Variants in PLEKHG1 observed in about 807,000 individuals in gnomAD.
PLEKHG1 encodes pleckstrin homology domain-containing family G member 1.
PLEKHG1 carries 44 observed loss-of-function variants against 100.8 expected under a neutral mutation model. The ratio of observed to expected loss-of-function variants is 0.44; its 90% CI spans 0.34 to 0.56. The LOEUF is 0.56. Among genes scored for constraint, PLEKHG1 ranks in the 20% least tolerant of loss-of-function variants. The pLI is 0.01. For missense variants in PLEKHG1, 1,545 were observed against 1,720.9 expected (o/e 0.90, Z 1.81); for synonymous variants, 640 against 662.5 (o/e 0.97, Z 0.52).
At chr6:150,760,170 C>G (rs1440288739) in intron 2 of PLEKHG1, among the ~76,000 whole-genome samples, 1 of 152,092 alleles carries the variant, frequency 6.6e-6, no homozygotes, top group African/African-American at 2.4e-5. Flanking sequence ...CAGTAGTCCT[C>G]TGATTATAAT....
intron 3 of PLEKHG1, among the ~76,000 whole-genome samples, chr6:150,695,241 A>C (rs1246475721): frequency 1.3e-5 from 2 of 152,154 alleles, no homozygotes; most frequent in South Asian, 2.1e-4. Context: ...TGCTTCTAGA[A>C]CTTGAGTTCT....
chr6:150,641,477 T>C (rs1232080420), intron 2 of PLEKHG1, among the ~76,000 whole-genome samples: 1 of 152,222 alleles, frequency 6.6e-6, no homozygotes, highest in Non-Finnish European at 1.5e-5. Context: ...GTAAAAGTTT[T>C]CTCAAGTCCG....
intron 4 of PLEKHG1, among the ~76,000 whole-genome samples, chr6:150,787,374 C>CCCTTTCCTACAATGTGG (rs1235305020): frequency 4.6e-5 from 7 of 152,216 alleles, no homozygotes; most frequent in African/African-American, 1.4e-4. Context: ...CTGAAACCTA[C>CCCTTTCCTACAATGTGG]CCTTTCCTAC....
rs56768740 is a variant in PLEKHG1 at position 150,702,557 on chromosome 6, G to GGTGTGTGTGTGTGTGTGTGT, written c.-98-31012_-98-30993dup. Among the ~76,000 whole-genome samples the GGTGTGTGTGTGTGTGTGTGT allele has an allele frequency of 5.6e-3, 798 of 142,880 alleles. 11 individuals carry two copies. Among genetic ancestry groups the GGTGTGTGTGTGTGTGTGTGT allele is most frequent in the African/African-American group, 0.019 (708 of 37,618 alleles). The allele number at this position is 142,880 out of a possible 152,430, so 93.7% of individuals were successfully genotyped here. On this transcript the variant is annotated intron_variant, in intron 3 of 3. Coordinates refer to the PLEKHG1 transcript ENST00000367326. The stretch of plus-strand genomic sequence containing the variant: ...AGCAGTACTTCTCATTTTGTTTTGG[G>GGTGTGTGTGTGTGTGTGTGT]GTGTGTGTGTGTGTGTGTGTGTGTG...
intron 3 of PLEKHG1, among the ~76,000 whole-genome samples, chr6:150,770,687 T>A (rs1784676555): frequency 6.6e-6 from 1 of 152,222 alleles, no homozygotes; most frequent in African/African-American, 2.4e-5. Flanking sequence ...GAATCCAGAG[T>A]CTACATGTTC....
At chr6:150,751,401 T>C (rs1157097330) in intron 2 of PLEKHG1, among the ~76,000 whole-genome samples, 1 of 152,150 alleles carries the variant, frequency 6.6e-6, no homozygotes, top group East Asian at 1.9e-4. Context: ...CAAATAACCA[T>C]TCTGACCTCA....
chr6:150,647,496 T>C (rs569896247), intron 2 of PLEKHG1, among the ~76,000 whole-genome samples: 2 of 152,172 alleles, frequency 1.3e-5, no homozygotes, highest in South Asian at 4.1e-4. Context: ...AAATCACGAG[T>C]TGTGTTTTGC....
intron 4 of PLEKHG1, among the ~76,000 whole-genome samples, chr6:150,788,491 T>A (rs1309441422): frequency 6.6e-6 from 1 of 152,198 alleles, no homozygotes; most frequent in Non-Finnish European, 1.5e-5. Flanking sequence ...GTTACAGAAG[T>A]CCTTATCGAC....
At chr6:150,652,148 G>C (rs1305894130) in intron 3 of PLEKHG1, 1 of 152,062 alleles carries the variant, frequency 6.6e-6, no homozygotes, top group Non-Finnish European at 1.5e-5. Flanking sequence ...ATTTTAACTT[G>C]GTGGTGTTGG....
At chr6:150,607,068 T>TA (rs1349450830) in intron 1 of PLEKHG1, among the ~76,000 whole-genome samples, 1 of 152,112 alleles carries the variant, frequency 6.6e-6, no homozygotes, top group African/African-American at 2.4e-5. Flanking sequence ...TAAAGGCCCT[T>TA]GTGTTTTAAG....
rs1181235108 is a variant in PLEKHG1 at position 150,683,789 on chromosome 6, GA to G, written c.-99+33004del. ...TGGAGCCATTCTTGGTGGGGCGGAA[GA>G]GGCAGGAAACTGCTGCCTGGACAAA... On this transcript the variant is annotated intron_variant, in intron 3 of 3. Transcript: ENST00000367326. The surrounding 1 kb of genome is among the most constrained non-coding windows in gnomAD (Gnocchi z 4.0). The G allele has an allele frequency of 1.6e-6, 2 of 1,288,658 alleles. No homozygotes were observed. Among genetic ancestry groups the G allele is most frequent in the Non-Finnish European group, 2.0e-6 (2 of 988,650 alleles). 79.8% of individuals were successfully genotyped at this position (1,288,658 alleles called of 1,614,324 possible). A position where few individuals can be genotyped will look rare whatever the true frequency, so the allele number is the denominator to read the frequency against.
intron 1 of PLEKHG1, among the ~76,000 whole-genome samples, chr6:150,722,111 T>C (rs1308942153): frequency 6.6e-6 from 1 of 152,092 alleles, no homozygotes; most frequent in East Asian, 1.9e-4. Flanking sequence ...AATCTATTTC[T>C]AATGTAGACA....
rs1407121364 is a variant in PLEKHG1 at position 150,831,464 on chromosome 6, G to A, written c.2353G>A (p.Val785Ile). ...GTGCTGTGACAGCCTGAGGCCATTT[G>A]TTTCCCAAGACAGCCTCCAGCTCAG... The change falls in exon 15 of 16, where the codon GTT becomes ATT. Residue 785 changes from valine (V) to isoleucine (I), a missense_variant. Physicochemically the swap from Val to Ile is conservative, Grantham distance 29. Coordinates refer to ENST00000358517, the Ensembl canonical transcript of PLEKHG1. The surrounding 1 kb of genome is among the most constrained non-coding windows in gnomAD (Gnocchi z 4.1). The A allele has an allele frequency of 1.9e-6, 3 of 1,614,030 alleles. No homozygotes were observed. The highest frequency in any genetic ancestry group is 2.5e-6 in the Non-Finnish European group (3 of 1,180,040).
intron 2 of PLEKHG1, among the ~76,000 whole-genome samples, chr6:150,753,763 T>C (rs757876054): frequency 2.0e-4 from 30 of 152,206 alleles, no homozygotes; most frequent in Non-Finnish European, 2.5e-4. Flanking sequence ...GGGACCTTTG[T>C]CATCTTCAAG....
chr6:150,666,131 G>A (rs1779388399), intron 3 of PLEKHG1, among the ~76,000 whole-genome samples: 1 of 152,178 alleles, frequency 6.6e-6, no homozygotes, highest in Non-Finnish European at 1.5e-5. Context: ...CCTCTACCCT[G>A]GCAGTACTCT....
At chr6:150,708,643 A>G (rs541314725) in intron 3 of PLEKHG1, among the ~76,000 whole-genome samples, 9 of 152,328 alleles carry the variant, frequency 5.9e-5, no homozygotes, top group East Asian at 5.8e-4. Flanking sequence ...TCATAATTGT[A>G]TATAAACTTA....
chr6:150,813,230 G>A (rs1404449969), intron 10 of PLEKHG1, among the ~76,000 whole-genome samples: 2 of 151,666 alleles, frequency 1.3e-5, no homozygotes, highest in Non-Finnish European at 2.9e-5. Context: ...GCGTGAACCC[G>A]GGAGGCGGAG....
At chr6:150,674,799 C>T (rs9480520) in intron 3 of PLEKHG1, among the ~76,000 whole-genome samples, 11,889 of 152,040 alleles carry the variant, frequency 0.078, 546 homozygotes, top group Non-Finnish European at 0.1. Flanking sequence ...TCTCCTGCCT[C>T]AGCCTCCTGA....
chr6:150,658,242 A>C (rs972042205), intron 3 of PLEKHG1, among the ~76,000 whole-genome samples: 1 of 152,216 alleles, frequency 6.6e-6, no homozygotes, highest in Non-Finnish European at 1.5e-5. Context: ...TTCTAGAGGA[A>C]GGTTACATCT....
Sources: gnomAD v4.1 joint callset for allele counts (sites outside exome capture counted in the v4.1 genomes callset) on GRCh38, gnomAD v4.1.1 for gene constraint, Gnocchi (gnomAD v3.1) non-coding constraint, MANE v1.5 for transcripts, NCBI Gene and HGNC (gene_info 2026-07-23, HGNC 2026-07-21) for gene names.